TMEM132D: variants seen among roughly 807,000 people sequenced by gnomAD.
TMEM132D encodes transmembrane protein 132D.
A neutral mutation model predicts 62.3 loss-of-function variants in TMEM132D; 21 were observed. The observed-to-expected ratio is 0.34, with a 90% CI of 0.24 to 0.49. The LOEUF (loss-of-function observed/expected upper bound fraction) is 0.49. TMEM132D is among the 20% of genes least tolerant of loss of function. The probability of loss-of-function intolerance (pLI) is 0.99; values close to 1 mark genes in which losing one functional copy is unlikely to be tolerated. For missense variants in TMEM132D, 1,346 were observed against 1,402.8 expected (o/e 0.96, Z 0.65); for synonymous variants, 621 against 575.6 (o/e 1.08, Z -1.13).
At chr12:129,589,750 G>A (rs531642687) in intron 2 of TMEM132D, among the ~76,000 whole-genome samples, 4 of 152,128 alleles carry the variant, frequency 2.6e-5, no homozygotes, top group East Asian at 1.9e-4. Flanking sequence ...GTCCCTCGGC[G>A]AGCAGACAGA....
At chr12:129,186,448 C>T (rs7314703) in intron 5 of TMEM132D, among the ~76,000 whole-genome samples, 6 of 151,930 alleles carry the variant, frequency 3.9e-5, no homozygotes, top group African/African-American at 7.3e-5. Flanking sequence ...GGGGCCCAGG[C>T]TTTACTTTCT....
chr12:129,410,584 T>A (rs1481471595), intron 3 of TMEM132D, among the ~76,000 whole-genome samples: 2 of 151,782 alleles, frequency 1.3e-5, no homozygotes, highest in Non-Finnish European at 2.9e-5. Context: ...GCTCTCAATC[T>A]CCTGACCTCA....
intron 3 of TMEM132D, chr12:129,522,619 G>T (rs1875883484): frequency 6.6e-6 from 1 of 152,160 alleles, no homozygotes; most frequent in South Asian, 2.1e-4. Context: ...CAAAGGAAAT[G>T]GCTGTCGCAA....
chr12:129,745,736 C>T (rs1273116660), intron 1 of TMEM132D, among the ~76,000 whole-genome samples: 1 of 152,176 alleles, frequency 6.6e-6, no homozygotes, highest in Admixed American at 6.5e-5. Flanking sequence ...AACTCTGGAA[C>T]AGAGCACCAG....
At chr12:129,317,929 T>C (rs1044483355) in intron 4 of TMEM132D, among the ~76,000 whole-genome samples, 5 of 152,216 alleles carry the variant, frequency 3.3e-5, no homozygotes, top group Non-Finnish European at 7.3e-5. Context: ...CTTGTTCAAT[T>C]CTGTTGCTGA....
At chr12:129,324,953 G>C (rs546989794) in intron 4 of TMEM132D, among the ~76,000 whole-genome samples, 3 of 152,324 alleles carry the variant, frequency 2.0e-5, no homozygotes, top group African/African-American at 7.2e-5. Flanking sequence ...CTGAGTGTCA[G>C]ACCCCGTGCT....
At chr12:129,628,400 C>T (rs1879274831) in intron 2 of TMEM132D, among the ~76,000 whole-genome samples, 2 of 152,306 alleles carry the variant, frequency 1.3e-5, no homozygotes, top group South Asian at 4.1e-4. Context: ...CCCTGTTCAG[C>T]CAGGACACCT....
intron 2 of TMEM132D, among the ~76,000 whole-genome samples, chr12:129,587,203 G>A (rs377102778): frequency 2.0e-5 from 3 of 152,158 alleles, no homozygotes; most frequent in African/African-American, 7.2e-5. Context: ...GGAATACTAT[G>A]CAGCCATAAA....
chr12:129,425,858 C>T (rs890213467), intron 3 of TMEM132D, among the ~76,000 whole-genome samples: 6 of 152,178 alleles, frequency 3.9e-5, no homozygotes, highest in Non-Finnish European at 8.8e-5. Flanking sequence ...AAAGTTGAGT[C>T]GACTTCCCAA....
At chr12:129,389,033 A>T (rs1456690233) in intron 3 of TMEM132D, among the ~76,000 whole-genome samples, 2 of 120,132 alleles carry the variant, frequency 1.7e-5, no homozygotes, top group Non-Finnish European at 3.6e-5. Context: ...ATCCAGCACG[A>T]TAATAATATT....
chr12:129,460,696 G>A (rs757183931), intron 3 of TMEM132D, among the ~76,000 whole-genome samples: 4 of 152,154 alleles, frequency 2.6e-5, no homozygotes, highest in Non-Finnish European at 4.4e-5. Flanking sequence ...ACCACATGAC[G>A]ATGACCAGGG....
At chr12:129,304,385 A>G (rs996223307) in intron 4 of TMEM132D, among the ~76,000 whole-genome samples, 1 of 151,538 alleles carries the variant, frequency 6.6e-6, no homozygotes, top group African/African-American at 2.4e-5. Flanking sequence ...ACGATCCCAT[A>G]TCCTACAATA....
intron 7 of TMEM132D, among the ~76,000 whole-genome samples, chr12:129,079,936 C>G (rs1874399367): frequency 1.3e-5 from 2 of 152,162 alleles, no homozygotes; most frequent in African/African-American, 4.8e-5. Flanking sequence ...TCCCTGACAC[C>G]TGGTTTCAGA....
chr12:129,640,695 C>T (rs895121022), intron 2 of TMEM132D, among the ~76,000 whole-genome samples: 2 of 152,162 alleles, frequency 1.3e-5, no homozygotes, highest in Non-Finnish European at 2.9e-5. Context: ...TAACAAGGGT[C>T]CCCAACCCCC....
chr12:129,340,568 T>G (rs1869441212), intron 3 of TMEM132D, among the ~76,000 whole-genome samples: 2 of 152,170 alleles, frequency 1.3e-5, no homozygotes, highest in South Asian at 4.1e-4. Flanking sequence ...TTTGGTTTTT[T>G]GTCCTTGCAA....
intron 4 of TMEM132D, among the ~76,000 whole-genome samples, chr12:129,318,603 A>G (rs1868567708): frequency 1.3e-5 from 2 of 152,068 alleles, no homozygotes; most frequent in Non-Finnish European, 2.9e-5. Flanking sequence ...TTAATGCTCT[A>G]TGTTTGTGCT....
At chr12:129,133,389 G>A (rs1284055385) in intron 5 of TMEM132D, among the ~76,000 whole-genome samples, 2 of 152,186 alleles carry the variant, frequency 1.3e-5, no homozygotes, top group African/African-American at 2.4e-5. Flanking sequence ...TGGTCCACAC[G>A]TATAATCAAA....
chr12:129,861,222 C>T (rs1873886757), intron 1 of TMEM132D, among the ~76,000 whole-genome samples: 1 of 152,202 alleles, frequency 6.6e-6, no homozygotes, highest in Non-Finnish European at 1.5e-5. Context: ...AAATAGATAA[C>T]TTTGAGAAAA....
At chr12:129,724,184 G>A (rs1287672552) in intron 1 of TMEM132D, among the ~76,000 whole-genome samples, 4 of 152,110 alleles carry the variant, frequency 2.6e-5, no homozygotes, top group Non-Finnish European at 5.9e-5. Context: ...TTTCTGTAGA[G>A]CCGACTATCA....
Sources: allele counts gnomAD v4.1 joint callset (sites outside exome capture counted in the v4.1 genomes callset), GRCh38; gene constraint gnomAD v4.1.1; transcripts MANE v1.5; gene names NCBI Gene and HGNC (gene_info 2026-07-23, HGNC 2026-07-21).